Variants in DHRSX observed in about 807,000 individuals in gnomAD.
DHRSX encodes dehydrogenase/reductase X-linked, also known as polyprenol dehydrogenase.
A neutral mutation model predicts 34.0 loss-of-function variants in DHRSX; 31 were observed. The observed-to-expected ratio is 0.91, with a 90% CI of 0.69 to 1.23. The LOEUF (loss-of-function observed/expected upper bound fraction) is 1.23, where lower values mean the gene tolerates loss of function less well. Ranked by LOEUF, DHRSX falls within the 50% of genes most tolerant of loss-of-function variation. DHRSX has a pLI of 0.00. For synonymous variants in DHRSX, 201 were observed against 183.8 expected, an observed-to-expected ratio of 1.09 and a Z score of -0.76; for missense variants, 414 against 428.1, an observed-to-expected ratio of 0.97 and a Z score of 0.29.
At chrX:2,223,033 C>T (rs1484751503) in intron 6 of DHRSX, among the ~76,000 whole-genome samples, 1 of 152,162 alleles carries the variant, frequency 6.6e-6, no homozygotes, top group African/African-American at 2.4e-5. Flanking sequence ...TAGAGAACTT[C>T]CCAAGTCTGG....
intron 3 of DHRSX, among the ~76,000 whole-genome samples, chrX:2,356,958 C>T (rs1375609457): frequency 1.3e-5 from 2 of 152,040 alleles, no homozygotes; most frequent in Non-Finnish European, 2.9e-5. Flanking sequence ...AAAAGGTGCA[C>T]ATGGGCCAGG....
At chrX:2,313,297 C>G (rs1467895612) in intron 3 of DHRSX, among the ~76,000 whole-genome samples, 1 of 151,596 alleles carries the variant, frequency 6.6e-6, no homozygotes, top group Non-Finnish European at 1.5e-5. Flanking sequence ...CATGAGCCAC[C>G]GTACCTGGCC....
intron 1 of DHRSX, among the ~76,000 whole-genome samples, chrX:2,437,371 C>T (rs1368989743): frequency 3.3e-5 from 5 of 151,954 alleles, no homozygotes; most frequent in African/African-American, 7.2e-5. Flanking sequence ...TTTGGGAGGC[C>T]GAGGTAGAAA....
chrX:2,478,400 G>A (rs1360992648), intron 1 of DHRSX, among the ~76,000 whole-genome samples: 2 of 152,076 alleles, frequency 1.3e-5, no homozygotes, highest in East Asian at 3.9e-4. Flanking sequence ...GACACATTCT[G>A]GCCAATGGAC....
At chrX:2,343,789 A>G (rs2042668812) in intron 3 of DHRSX, among the ~76,000 whole-genome samples, 1 of 152,170 alleles carries the variant, frequency 6.6e-6, no homozygotes, top group South Asian at 2.1e-4. Flanking sequence ...TTGATGATAA[A>G]TGTTACGTTG....
At position 2,449,888 on chromosome X, in the gene DHRSX, G is replaced by A. The variant is rs144953602; in HGVS notation, c.110-24584C>T. 1.8e-3 allele frequency among the ~76,000 whole-genome samples: 278 copies of A among 152,144 alleles called. 3 individuals carry two copies. The highest frequency in any genetic ancestry group is 6.1e-3 in the African/African-American group (255 of 41,522). On this transcript the variant is annotated intron_variant, in intron 1 of 6. Coordinates refer to ENST00000334651, the MANE Select transcript of DHRSX (RefSeq NM_145177.3). Reference sequence around the variant, plus strand: ...ATCTCCTGTACTCAAGCGATCCACCGGCCTAAAGTGCTGGGATTACGGGCG... The same window carrying A: ...ATCTCCTGTACTCAAGCGATCCACCAGCCTAAAGTGCTGGGATTACGGGCG...
chrX:2,244,186 C>T (rs1450913973), intron 5 of DHRSX, among the ~76,000 whole-genome samples: 1 of 152,114 alleles, frequency 6.6e-6, no homozygotes, highest in African/African-American at 2.4e-5. Flanking sequence ...CTGTAGTGTG[C>T]TAAGCACATG....
At chrX:2,237,529 G>A (rs908681912) in intron 6 of DHRSX, among the ~76,000 whole-genome samples, 6 of 151,050 alleles carry the variant, frequency 4.0e-5, no homozygotes, top group African/African-American at 1.2e-4. Flanking sequence ...TTTTGAGATG[G>A]AGTTTCGCTC....
intron 3 of DHRSX, among the ~76,000 whole-genome samples, chrX:2,378,789 GC>G (rs1472478437): frequency 6.6e-6 from 1 of 151,742 alleles, no homozygotes; most frequent in African/African-American, 2.4e-5. Context: ...TCCTACCTCA[GC>G]CCCCCGAGTA....
intron 6 of DHRSX, among the ~76,000 whole-genome samples, chrX:2,223,747 C>A (rs1279266690): frequency 6.6e-6 from 1 of 151,950 alleles, no homozygotes; most frequent in African/African-American, 2.4e-5. Flanking sequence ...CTCTCTTTTG[C>A]GGCTGTGTTC....
At chrX:2,402,538 G>C (rs1242205149) in intron 3 of DHRSX, among the ~76,000 whole-genome samples, 3 of 152,192 alleles carry the variant, frequency 2.0e-5, no homozygotes, top group Non-Finnish European at 4.4e-5. Context: ...CCTGAGCCTG[G>C]AGGCAGACTC....
chrX:2,304,171 T>TG lies in DHRSX; in HGVS notation c.287-12569dup, dbSNP rs1569485868. ...TGGATGGATGGATGGATGGATGAAC[T>TG]GATGGATGGATGGATGGATGGATGG... On this transcript the variant is annotated intron_variant, in intron 3 of 6. Coordinates refer to ENST00000334651, the MANE Select transcript of DHRSX (RefSeq NM_145177.3). Among the ~76,000 whole-genome samples the TG allele has an allele frequency of 6.8e-3, 496 of 72,796 alleles. 22 individuals carry two copies. The highest frequency in any genetic ancestry group is 0.053 in the Admixed American group (348 of 6,578). The allele number at this position is 72,796 out of a possible 152,430, so 47.8% of individuals were successfully genotyped here. A position where few individuals can be genotyped will look rare whatever the true frequency, so the allele number is the denominator to read the frequency against.
chrX:2,283,609 G>A (rs760900586), intron 4 of DHRSX, among the ~76,000 whole-genome samples: 13 of 152,036 alleles, frequency 8.6e-5, no homozygotes, highest in East Asian at 3.9e-4. Flanking sequence ...AGTAAGGACC[G>A]GCTCCACTGC....
At chrX:2,359,410 G>C (rs1048294870) in intron 3 of DHRSX, among the ~76,000 whole-genome samples, 1 of 152,176 alleles carries the variant, frequency 6.6e-6, no homozygotes, top group African/African-American at 2.4e-5. Flanking sequence ...AGGTGCGGTG[G>C]CTCACGCCTG....
intron 5 of DHRSX, among the ~76,000 whole-genome samples, chrX:2,248,182 C>G (rs2016342389): frequency 6.6e-6 from 1 of 152,014 alleles, no homozygotes; most frequent in African/African-American, 2.4e-5. Flanking sequence ...GTCTGTAATC[C>G]CAGCACTCTG....
intron 2 of DHRSX, among the ~76,000 whole-genome samples, chrX:2,416,204 T>A (rs947114680): frequency 2.6e-5 from 4 of 151,542 alleles, no homozygotes; most frequent in African/African-American, 9.7e-5. Flanking sequence ...CCTAACTAAG[T>A]CTCATCATGA....
chrX:2,318,104 G>A (rs941559488), intron 3 of DHRSX, among the ~76,000 whole-genome samples: 6 of 151,754 alleles, frequency 4.0e-5, no homozygotes, highest in African/African-American at 1.5e-4. Context: ...CAGAGCTTTG[G>A]GAGGCTGAGG....
At chrX:2,424,692 C>T (rs554404029) in intron 2 of DHRSX, among the ~76,000 whole-genome samples, 44 of 152,290 alleles carry the variant, frequency 2.9e-4, no homozygotes, top group African/African-American at 9.9e-4. Context: ...GAATATATAT[C>T]TACTTCCAAA....
At chrX:2,417,608 C>T (rs1372647109) in intron 2 of DHRSX, among the ~76,000 whole-genome samples, 2 of 151,920 alleles carry the variant, frequency 1.3e-5, no homozygotes, top group African/African-American at 2.4e-5. Flanking sequence ...CATGACCTAC[C>T]CAACTAGACG....
Sources: gnomAD v4.1 joint callset for allele counts (sites outside exome capture counted in the v4.1 genomes callset) on GRCh38, gnomAD v4.1.1 for gene constraint, MANE v1.5 for transcripts, NCBI Gene and HGNC (gene_info 2026-07-23, HGNC 2026-07-21) for gene names.